PCDH9: variants seen among roughly 807,000 people sequenced by gnomAD.
PCDH9 encodes protocadherin-9.
A neutral mutation model predicts 70.6 loss-of-function variants in PCDH9; 24 were observed. The observed-to-expected ratio is 0.34, with a 90% confidence interval of 0.25 to 0.48. The LOEUF is 0.48. Ranked by LOEUF, PCDH9 falls within the 20% of genes least tolerant of loss-of-function variation. PCDH9 has a pLI of 0.99. For synonymous variants in PCDH9, 562 were observed against 558.5 expected (o/e 1.01, Z -0.09); for missense variants, 1,281 against 1,503.6 (o/e 0.85, Z 2.45).
At chr13:66,696,465 C>G (rs906513300) in intron 3 of PCDH9, among the ~76,000 whole-genome samples, 4 of 152,086 alleles carry the variant, frequency 2.6e-5, no homozygotes, top group African/African-American at 9.7e-5. Context: ...CAATGTCAGG[C>G]AAAAGAAATC....
intron 2 of PCDH9, chr13:67,213,374 A>G (rs999150235): frequency 6.6e-6 from 1 of 152,014 alleles, no homozygotes; most frequent in African/African-American, 2.4e-5. Flanking sequence ...ATGCCATGAG[A>G]ATGCTAAATA....
At chr13:66,941,288 C>A (rs983268092) in intron 2 of PCDH9, among the ~76,000 whole-genome samples, 1 of 151,114 alleles carries the variant, frequency 6.6e-6, no homozygotes, top group African/African-American at 2.4e-5. Flanking sequence ...AATAGTCCAA[C>A]AATAAATATA....
chr13:67,065,924 A>G (rs2085637859), intron 2 of PCDH9, among the ~76,000 whole-genome samples: 1 of 152,182 alleles, frequency 6.6e-6, no homozygotes, highest in Non-Finnish European at 1.5e-5. Flanking sequence ...TTGAAAGACT[A>G]AGATTAAAAG....
intron 2 of PCDH9, among the ~76,000 whole-genome samples, chr13:66,921,490 T>C (rs1472399012): frequency 6.6e-6 from 1 of 151,222 alleles, no homozygotes; most frequent in Admixed American, 6.6e-5. Flanking sequence ...TATGGTCCTT[T>C]GATAAGCCAT....
intron 2 of PCDH9, chr13:67,203,160 T>A (rs1163224115): frequency 1.3e-5 from 2 of 152,138 alleles, no homozygotes; most frequent in Non-Finnish European, 2.9e-5. Context: ...GAACTTCAAA[T>A]ATCCTTTAAT....
At chr13:66,307,750 G>C (rs1457534807) in intron 4 of PCDH9, among the ~76,000 whole-genome samples, 2 of 151,894 alleles carry the variant, frequency 1.3e-5, no homozygotes, top group African/African-American at 2.4e-5. Flanking sequence ...GATGTGCAAG[G>C]CTATTTTAAA....
At chr13:66,952,545 T>C (rs1272926883) in intron 2 of PCDH9, among the ~76,000 whole-genome samples, 9 of 152,000 alleles carry the variant, frequency 5.9e-5, no homozygotes, top group African/African-American at 2.2e-4. Flanking sequence ...GTGTAAAGAG[T>C]AGCACGAAGC....
In PCDH9 at chr13:66,526,998, G is replaced by A. The variant is rs527802635; in HGVS notation, c.3340+104212C>T. 4.4e-4 allele frequency among the ~76,000 whole-genome samples: 67 copies of A among 152,292 alleles called. No homozygotes were observed. In the South Asian group the frequency reaches 8.3e-3, roughly 19 times the overall value. Reference sequence around the variant, plus strand: ...AATGTTAGCAGGTAGGCCACGAAGTGGCTGTGGGGTTAGAACAGTAATATT... The same window carrying A: ...AATGTTAGCAGGTAGGCCACGAAGTAGCTGTGGGGTTAGAACAGTAATATT... On this transcript the variant is annotated intron_variant, in intron 4 of 4. Coordinates refer to ENST00000377865, the MANE Select transcript of PCDH9 (RefSeq NM_203487.3).
intron 2 of PCDH9, among the ~76,000 whole-genome samples, chr13:67,165,015 G>A (rs2088071879): frequency 6.6e-6 from 1 of 152,094 alleles, no homozygotes; most frequent in African/African-American, 2.4e-5. Flanking sequence ...ATTGACCATA[G>A]CATCCCCAGC....
chr13:66,642,499 A>G (rs2077721666), intron 3 of PCDH9, among the ~76,000 whole-genome samples: 1 of 152,026 alleles, frequency 6.6e-6, no homozygotes, highest in South Asian at 2.1e-4. Context: ...TCTGTTCTTT[A>G]TTAGGTACTT....
At chr13:66,617,480 G>A (rs1417525850) in intron 4 of PCDH9, among the ~76,000 whole-genome samples, 2 of 152,018 alleles carry the variant, frequency 1.3e-5, no homozygotes, top group Non-Finnish European at 2.9e-5. Flanking sequence ...TTGTGTCTCT[G>A]TACTACAGGA....
chr13:66,442,820 T>C (rs1958000793), intron 4 of PCDH9, among the ~76,000 whole-genome samples: 1 of 152,226 alleles, frequency 6.6e-6, no homozygotes, highest in Admixed American at 6.6e-5. Context: ...CATAATATTT[T>C]CTCCAGGTTT....
chr13:66,316,353 A>G (rs1955651559), intron 4 of PCDH9, among the ~76,000 whole-genome samples: 1 of 152,228 alleles, frequency 6.6e-6, no homozygotes, highest in African/African-American at 2.4e-5. Context: ...AGACTAACAC[A>G]GTATTTAAAG....
rs554274421 is a variant in PCDH9 at position 66,995,284 on chromosome 13, G to C, written c.3037-91679C>G. Among the ~76,000 whole-genome samples, 29 of 152,244 alleles carry C rather than the reference G, an allele frequency of 1.9e-4. No homozygotes were observed. The South Asian group carries it at 5.2e-3, about 27-fold the overall frequency. On this transcript the variant is annotated intron_variant, in intron 2 of 4. Transcript: ENST00000377865. ...GGGCATCGGAAAGGCTGAAGCATAA[G>C]ACACGGTAAATACAAAAGGCAAAAG... is the stretch of plus-strand genomic sequence containing the variant.
chr13:66,865,884 G>T (rs1049308592), intron 3 of PCDH9, among the ~76,000 whole-genome samples: 1 of 152,168 alleles, frequency 6.6e-6, no homozygotes, highest in Non-Finnish European at 1.5e-5. Flanking sequence ...CAAATAATTT[G>T]AATGAGAAAT....
chr13:67,180,081 C>T (rs1346887581), intron 2 of PCDH9, among the ~76,000 whole-genome samples: 1 of 151,876 alleles, frequency 6.6e-6, no homozygotes, highest in African/African-American at 2.4e-5. Flanking sequence ...AGAATTTTTT[C>T]TACAAAATTT....
At chr13:67,028,965 G>C (rs1380021151) in intron 2 of PCDH9, among the ~76,000 whole-genome samples, 1 of 152,104 alleles carries the variant, frequency 6.6e-6, no homozygotes, top group Non-Finnish European at 1.5e-5. Context: ...CATGAAGTTA[G>C]CGTCTAAAAA....
chr13:66,686,831 G>C (rs2078410296), intron 3 of PCDH9, among the ~76,000 whole-genome samples: 1 of 151,952 alleles, frequency 6.6e-6, no homozygotes, highest in Non-Finnish European at 1.5e-5. Flanking sequence ...CACAGGACTA[G>C]AAAAATAAAC....
At chr13:67,053,015 C>T (rs2085351174) in intron 2 of PCDH9, among the ~76,000 whole-genome samples, 1 of 152,012 alleles carries the variant, frequency 6.6e-6, no homozygotes, top group African/African-American at 2.4e-5. Flanking sequence ...AGCACACAGC[C>T]TGAGACAGGG....
Sources: gnomAD v4.1 joint callset for allele counts (sites outside exome capture counted in the v4.1 genomes callset) on GRCh38, gnomAD v4.1.1 for gene constraint, MANE v1.5 for transcripts, NCBI Gene and HGNC (gene_info 2026-07-23, HGNC 2026-07-21) for gene names.